The following EYA2 variants were observed in gnomAD, a reference collection of about 807,000 sequenced individuals.
EYA2 encodes protein phosphatase EYA2.
Under a neutral mutation model 69.2 loss-of-function variants are expected in EYA2, and 31 were observed. The observed-to-expected ratio is 0.45, with a 90% CI of 0.34 to 0.60. The LOEUF is 0.60. EYA2 is among the 20% of genes least tolerant of loss of function. The probability of loss-of-function intolerance (pLI) is 0.02; values close to 1 mark genes in which losing one functional copy is unlikely to be tolerated. For synonymous variants in EYA2, 257 were observed against 279.4 expected (o/e 0.92, Z 0.80); for missense variants, 622 against 701.2 (o/e 0.89, Z 1.28).
At chr20:47,133,256 G>GA (rs2033386076) in intron 9 of EYA2, among the ~76,000 whole-genome samples, 2 of 151,980 alleles carry the variant, frequency 1.3e-5, no homozygotes, top group South Asian at 4.1e-4. Flanking sequence ...GCCACCCCAG[G>GA]AAAAAAAGGT....
At chr20:47,154,866 G>A (rs561737191) in intron 10 of EYA2, among the ~76,000 whole-genome samples, 58 of 110,710 alleles carry the variant, frequency 5.2e-4, no homozygotes, top group Non-Finnish European at 8.8e-4. Flanking sequence ...TGTGTTTTGA[G>A]ATGGAGCCTC....
At chr20:47,126,523 C>T (rs1463957978) in intron 9 of EYA2, among the ~76,000 whole-genome samples, 2 of 152,250 alleles carry the variant, frequency 1.3e-5, no homozygotes, top group South Asian at 2.1e-4. Context: ...CAGAGCTGCC[C>T]CTTGAGACAA....
At position 46,952,673 on chromosome 20, in the gene EYA2, C is replaced by T. The variant is rs556936116; in HGVS notation, c.-10-37328C>T. Among the ~76,000 whole-genome samples the T allele has an allele frequency of 4.6e-5, 7 of 152,300 alleles. 1 individual carries two copies. Among genetic ancestry groups the T allele is most frequent in the African/African-American group, 1.4e-4 (6 of 41,564 alleles). On this transcript the variant is annotated intron_variant, in intron 1 of 15. Transcript: ENST00000327619. ...AGTAAAGCCTGGTCCCCTCCGCAGG[C>T]CACCCCGCACCTGGAGGCATCACCT...
intron 9 of EYA2, among the ~76,000 whole-genome samples, chr20:47,140,222 C>T (rs1173394835): frequency 6.6e-6 from 1 of 152,150 alleles, no homozygotes; most frequent in Admixed American, 6.5e-5. Flanking sequence ...AGGTCACACA[C>T]GATTCCCTCC....
intron 1 of EYA2, among the ~76,000 whole-genome samples, chr20:46,979,224 C>T (rs1174338933): frequency 6.6e-6 from 1 of 152,222 alleles, no homozygotes; most frequent in Non-Finnish European, 1.5e-5. Context: ...TTTGATCCCT[C>T]CCAGCCTTTG....
At chr20:47,165,639 A>G (rs752922938) in intron 10 of EYA2, among the ~76,000 whole-genome samples, 3 of 152,162 alleles carry the variant, frequency 2.0e-5, no homozygotes, top group Non-Finnish European at 2.9e-5. Context: ...CGGCAGTTGC[A>G]CTTTGTCACC....
chr20:47,134,843 A>G (rs1048227971), intron 9 of EYA2, among the ~76,000 whole-genome samples: 1 of 152,036 alleles, frequency 6.6e-6, no homozygotes, highest in Non-Finnish European at 1.5e-5. Context: ...AAAACAGACA[A>G]CGGGCCGGGT....
chr20:47,090,821 A>C (rs1363504085), intron 8 of EYA2, among the ~76,000 whole-genome samples: 1 of 152,194 alleles, frequency 6.6e-6, no homozygotes, highest in Non-Finnish European at 1.5e-5. Context: ...ACATTTTCCC[A>C]AAAACAAAAC....
chr20:46,925,869 C>T (rs1985390627), intron 1 of EYA2, among the ~76,000 whole-genome samples: 1 of 152,186 alleles, frequency 6.6e-6, no homozygotes, highest in African/African-American at 2.4e-5. Context: ...GTGTTTATTG[C>T]AGCCTTATTT....
intron 1 of EYA2, among the ~76,000 whole-genome samples, chr20:46,953,236 A>T (rs1978909438): frequency 6.6e-6 from 1 of 152,170 alleles, no homozygotes; most frequent in Non-Finnish European, 1.5e-5. Flanking sequence ...AGGCAGATGT[A>T]CTGTTAACCC....
intron 5 of EYA2, among the ~76,000 whole-genome samples, chr20:47,034,484 A>G (rs1410491135): frequency 1.3e-5 from 2 of 152,198 alleles, no homozygotes; most frequent in Non-Finnish European, 2.9e-5. Context: ...TCTTCCTTGC[A>G]TAAGTGTGCA....
chr20:47,088,794 C>T (rs2031979788), intron 7 of EYA2, among the ~76,000 whole-genome samples: 1 of 152,176 alleles, frequency 6.6e-6, no homozygotes, highest in Non-Finnish European at 1.5e-5. Context: ...GCTATGTTGC[C>T]TAGGCTGGTC....
chr20:47,185,237 C>T (rs6122563), intron 15 of EYA2, among the ~76,000 whole-genome samples: 83,193 of 146,908 alleles, frequency 0.57, 25,270 homozygotes, highest in African/African-American at 0.81. Context: ...CTCTTTCTTC[C>T]ACCTTTGCTC....
chr20:47,144,045 T>C (rs1379847988), intron 10 of EYA2, among the ~76,000 whole-genome samples: 1 of 152,260 alleles, frequency 6.6e-6, no homozygotes, highest in Admixed American at 6.5e-5. Flanking sequence ...TTCACCTTAT[T>C]GGTTCAACAG....
Position 46,977,248 on chromosome 20 carries a change from G to T in EYA2, c.-10-12753G>T, listed in dbSNP as rs181753550. Among the ~76,000 whole-genome samples, 94 of 152,286 alleles carry T rather than the reference G, an allele frequency of 6.2e-4. 1 individual carries two copies. In the East Asian group the frequency reaches 0.017, roughly 27 times the overall value. ...TGGTAGGAGGTAGTGCCCCAATGTG[G>T]CTGTAATCTTATCTGAAATTTTAAA... On this transcript the variant is annotated intron_variant, in intron 1 of 15. Transcript: ENST00000327619.
intron 10 of EYA2, among the ~76,000 whole-genome samples, chr20:47,148,415 G>T (rs1289774317): frequency 2.6e-5 from 4 of 152,210 alleles, no homozygotes; most frequent in African/African-American, 9.7e-5. Flanking sequence ...GGATAGGCAA[G>T]TGGGGGTTCT....
At chr20:47,017,736 A>G (rs1372342085) in intron 5 of EYA2, among the ~76,000 whole-genome samples, 1 of 152,214 alleles carries the variant, frequency 6.6e-6, no homozygotes, top group Non-Finnish European at 1.5e-5. Flanking sequence ...GTTCTCTCAT[A>G]CAACCTTCAT....
intron 1 of EYA2, among the ~76,000 whole-genome samples, chr20:46,925,530 A>G (rs1267943416): frequency 6.6e-6 from 1 of 152,250 alleles, no homozygotes; most frequent in African/African-American, 2.4e-5. Context: ...GATGGAAGGT[A>G]TGAACAGGCA....
chr20:47,109,944 C>T (rs986598626), intron 9 of EYA2, among the ~76,000 whole-genome samples: 13 of 152,160 alleles, frequency 8.5e-5, no homozygotes, highest in African/African-American at 2.4e-4. Context: ...TGCATCTGAC[C>T]GCTGCATAGT....
Sources: allele counts gnomAD v4.1 joint callset (sites outside exome capture counted in the v4.1 genomes callset), GRCh38; gene constraint gnomAD v4.1.1; transcripts MANE v1.5; gene names NCBI Gene and HGNC (gene_info 2026-07-23, HGNC 2026-07-21).